GRIA2: variants seen among roughly 807,000 people sequenced by gnomAD.
GRIA2 encodes the protein glutamate receptor 2.
Under a neutral mutation model 97.3 loss-of-function variants are expected in GRIA2, and 14 were observed. That is an observed-to-expected ratio of 0.14 (90% CI 0.10 to 0.23). GRIA2 has a LOEUF of 0.23. Among genes scored for constraint, GRIA2 ranks in the 10% least tolerant of loss-of-function variants. GRIA2 has a pLI of 1.00. For synonymous variants in GRIA2, 412 were observed against 387.8 expected (o/e 1.06, Z -0.73); for missense variants, 558 against 1,069.8 (o/e 0.52, Z 6.67).
At chr4:157,281,050 T>A (rs531694727) in intron 2 of GRIA2, among the ~76,000 whole-genome samples, 1 of 152,066 alleles carries the variant, frequency 6.6e-6, no homozygotes, top group South Asian at 2.1e-4. Context: ...TCCAGAGAAC[T>A]GTGAAATAAA....
At chr4:157,326,891 C>G (rs1423169196) in intron 6 of GRIA2, among the ~76,000 whole-genome samples, 1 of 152,026 alleles carries the variant, frequency 6.6e-6, no homozygotes, top group African/African-American at 2.4e-5. Context: ...AGGAAGATTA[C>G]TATGGCTGCC....
intron 4 of GRIA2, among the ~76,000 whole-genome samples, chr4:157,315,220 G>C (rs1273891062): frequency 6.6e-6 from 1 of 152,170 alleles, no homozygotes; most frequent in South Asian, 2.1e-4. Flanking sequence ...TATTAATAAT[G>C]TATTTACAGA....
At chr4:157,310,503 G>C (rs1417454920) in intron 3 of GRIA2, among the ~76,000 whole-genome samples, 2 of 151,972 alleles carry the variant, frequency 1.3e-5, no homozygotes, top group Non-Finnish European at 2.9e-5. Flanking sequence ...ACTAGTATAT[G>C]AGCAATTTTG....
chr4:157,313,711 ATGTG>A (rs377507657), intron 4 of GRIA2, among the ~76,000 whole-genome samples: 18 of 149,718 alleles, frequency 1.2e-4, no homozygotes, highest in Non-Finnish European at 2.1e-4. Context: ...CTAGCTGAAA[ATGTG>A]TGTGTGTGTG....
At chr4:157,336,797 C>T (rs1221066058) in intron 11 of GRIA2, 50 bp downstream of exon 11, 17 of 1,553,490 alleles carry the variant, frequency 1.1e-5, no homozygotes, top group Non-Finnish European at 1.4e-5. Context: ...CTCAAGTGGA[C>T]ATTCATGGTG....
chr4:157,356,649 A>C (rs935925192), intron 12 of GRIA2, among the ~76,000 whole-genome samples: 1 of 152,154 alleles, frequency 6.6e-6, no homozygotes, highest in Non-Finnish European at 1.5e-5. Context: ...TTTTGGTAGA[A>C]CAATGTGTGC....
intron 2 of GRIA2, among the ~76,000 whole-genome samples, chr4:157,275,157 A>G (rs1306549512): frequency 6.6e-6 from 1 of 152,070 alleles, no homozygotes; most frequent in Non-Finnish European, 1.5e-5. Flanking sequence ...TTGCCTGCAT[A>G]AATGTCTTCT....
At chr4:157,223,545 C>G (rs1427409701) in intron 2 of GRIA2, among the ~76,000 whole-genome samples, 1 of 152,170 alleles carries the variant, frequency 6.6e-6, no homozygotes, top group Non-Finnish European at 1.5e-5. Context: ...ATTTACCTAA[C>G]AGATTTAGAC....
intron 2 of GRIA2, among the ~76,000 whole-genome samples, chr4:157,234,632 A>G (rs1156448099): frequency 6.6e-6 from 1 of 152,138 alleles, no homozygotes; most frequent in Non-Finnish European, 1.5e-5. Context: ...TTTCTCACGA[A>G]TAGGACCTTA....
At chr4:157,331,725 A>G (rs1735057133) in intron 6 of GRIA2, among the ~76,000 whole-genome samples, 1 of 151,950 alleles carries the variant, frequency 6.6e-6, no homozygotes, top group Admixed American at 6.6e-5. Flanking sequence ...TTTTTCCATG[A>G]CAAGGAAGGC....
At chr4:157,355,886 A>AT (rs1434535471) in intron 12 of GRIA2, among the ~76,000 whole-genome samples, 1 of 52,750 alleles carries the variant, frequency 1.9e-5, no homozygotes, top group Non-Finnish European at 2.9e-5. Flanking sequence ...TATATATATT[A>AT]ATATATTTAT....
intron 12 of GRIA2, among the ~76,000 whole-genome samples, chr4:157,354,456 T>C (rs1166208146): frequency 6.6e-6 from 1 of 152,128 alleles, no homozygotes; most frequent in Admixed American, 6.6e-5. Context: ...ACTGTTATTT[T>C]CTGTGAATTA....
chr4:157,231,601 A>G (rs1326747377), intron 2 of GRIA2, among the ~76,000 whole-genome samples: 1 of 152,214 alleles, frequency 6.6e-6, no homozygotes, highest in African/African-American at 2.4e-5. Context: ...GAAAAATTTT[A>G]TAGGTAAAAA....
intron 2 of GRIA2, among the ~76,000 whole-genome samples, chr4:157,272,399 G>T (rs1238163467): frequency 6.6e-6 from 1 of 151,976 alleles, no homozygotes; most frequent in African/African-American, 2.4e-5. Context: ...AGATACATCA[G>T]AGAATCCCAA....
intron 2 of GRIA2, among the ~76,000 whole-genome samples, chr4:157,243,081 A>G (rs1730576771): frequency 6.6e-6 from 1 of 152,120 alleles, no homozygotes; most frequent in Admixed American, 6.6e-5. Flanking sequence ...AGCTGACACA[A>G]GAAGGCAGAG....
intron 2 of GRIA2, among the ~76,000 whole-genome samples, chr4:157,280,623 TCG>T (rs1271586508): frequency 6.6e-6 from 1 of 151,976 alleles, no homozygotes; most frequent in African/African-American, 2.4e-5. Context: ...TGGGTCTCTC[TCG>T]TGTGTGCGTG....
intron 2 of GRIA2, among the ~76,000 whole-genome samples, chr4:157,245,993 T>C (rs1730714343): frequency 6.6e-6 from 1 of 152,004 alleles, no homozygotes; most frequent in African/African-American, 2.4e-5. Flanking sequence ...CTCATTCCAA[T>C]TTTTTTCTGA....
intron 6 of GRIA2, among the ~76,000 whole-genome samples, chr4:157,322,043 G>C (rs1734593886): frequency 6.6e-6 from 1 of 152,074 alleles, no homozygotes; most frequent in Admixed American, 6.6e-5. Context: ...TTTAAGCTGA[G>C]ACCTGAAGAA....
chr4:157,272,334 A>G (rs1732066199), intron 2 of GRIA2, among the ~76,000 whole-genome samples: 1 of 152,088 alleles, frequency 6.6e-6, no homozygotes, highest in Non-Finnish European at 1.5e-5. Flanking sequence ...GATCTAACAC[A>G]GATGCGAAGT....
Sources: gnomAD v4.1 joint callset for allele counts (sites outside exome capture counted in the v4.1 genomes callset) on GRCh38, gnomAD v4.1.1 for gene constraint, MANE v1.5 for transcripts, NCBI Gene and HGNC (gene_info 2026-07-23, HGNC 2026-07-21) for gene names.